The following ADGRV1 variants were observed in gnomAD, a reference collection of about 807,000 sequenced individuals.
ADGRV1 encodes the protein adhesion G protein-coupled receptor V1.
In ADGRV1, 359 loss-of-function variants were observed where a neutral mutation model predicts 596.2. That is an observed-to-expected ratio of 0.60 (90% CI 0.55 to 0.66). The LOEUF (loss-of-function observed/expected upper bound fraction) is 0.66, where lower values mean the gene tolerates loss of function less well. Among genes scored for constraint, ADGRV1 ranks in the 30% least tolerant of loss-of-function variants. The probability of loss-of-function intolerance (pLI) is 0.00; values close to 1 mark genes in which losing one functional copy is unlikely to be tolerated. For synonymous variants in ADGRV1, 2,681 were observed against 2,679.2 expected (o/e 1.00, Z -0.02); for missense variants, 7,274 against 7,575.6 (o/e 0.96, Z 1.48).
intron 21 of ADGRV1, among the ~76,000 whole-genome samples, chr5:90,660,530 C>T (rs1363815579): frequency 8.9e-6 from 1 of 112,072 alleles, no homozygotes; most frequent in Non-Finnish European, 1.9e-5. Context: ...GACAATTTAA[C>T]GTTAAAAAAA....
At chr5:91,140,710 A>C (rs974341114) in intron 87 of ADGRV1, among the ~76,000 whole-genome samples, 3 of 152,088 alleles carry the variant, frequency 2.0e-5, no homozygotes, top group African/African-American at 7.2e-5. Context: ...GAAACTATCC[A>C]AGCAGGGTTA....
intron 85 of ADGRV1, among the ~76,000 whole-genome samples, chr5:91,001,366 C>G (rs1463316476): frequency 6.6e-6 from 1 of 152,164 alleles, no homozygotes; most frequent in Non-Finnish European, 1.5e-5. Flanking sequence ...GCATGAGACA[C>G]TGCACCTGGC....
intron 78 of ADGRV1, among the ~76,000 whole-genome samples, chr5:90,841,495 G>T (rs1045531130): frequency 2.0e-5 from 3 of 152,138 alleles, no homozygotes; most frequent in African/African-American, 7.2e-5. Flanking sequence ...GATAATTTCA[G>T]ACATTCCATT....
chr5:90,598,758 G>A (rs1761033927), intron 1 of ADGRV1, among the ~76,000 whole-genome samples: 1 of 152,192 alleles, frequency 6.6e-6, no homozygotes, highest in Non-Finnish European at 1.5e-5. Flanking sequence ...GTGATGCATG[G>A]CGTCTTGAGT....
chr5:91,102,750 A>C (rs1791501449), intron 87 of ADGRV1, among the ~76,000 whole-genome samples: 1 of 152,192 alleles, frequency 6.6e-6, no homozygotes, highest in African/African-American at 2.4e-5. Flanking sequence ...GTCCCCTCTT[A>C]AGTGTGATGC....
chr5:91,088,374 T>A (rs1247397336), intron 86 of ADGRV1, among the ~76,000 whole-genome samples: 1 of 151,380 alleles, frequency 6.6e-6, no homozygotes, highest in African/African-American at 2.4e-5. Flanking sequence ...TGAAAAAAAA[T>A]TTTTTTTACA....
Position 90,658,207 on chromosome 5 carries a change from G to A in ADGRV1, c.4681G>A (p.Ala1561Thr), listed in dbSNP as rs376316770. 19 of 1,569,202 alleles carry A rather than the reference G, an allele frequency of 1.2e-5. No individual in the cohort carries two copies. In the African/African-American group the frequency reaches 2.2e-4, roughly 18 times the overall value. ...GARISEENTT[A>T]RLTIQKSDNA... ...TCGTATTTCGGAAGAAAATACTACT[G>A]CAAGATTAACAATACAAAAAAGTGA... The change falls in exon 21 of 90, where the codon GCA becomes ACA. Residue 1561 changes from alanine to threonine, a missense_variant. This residue lies in a region of ADGRV1 where 3,643 missense variants were observed against 3,809.2 expected (regional missense o/e 0.96). Coordinates refer to ENST00000405460, the MANE Select transcript of ADGRV1 (RefSeq NM_032119.4).
Position 90,855,784 on chromosome 5 carries a change from G to C in ADGRV1, c.17638G>C (p.Ala5880Pro). ...SQFCKVVEET[A>P]DYVECACSHM... ...GTTTTGCAAAGTGGTTGAGGAAACT[G>C]CAGACTATGTGGAATGTGCCTGTTC... The change falls in exon 82 of 90, where the codon GCA becomes CCA. Residue 5880 changes from alanine (A) to proline (P), a missense_variant. Ala to Pro is a conservative substitution (Grantham distance 27, BLOSUM62 -1). Coordinates refer to ENST00000405460, the MANE Select transcript of ADGRV1 (RefSeq NM_032119.4). The C allele has an allele frequency of 6.3e-7, 1 of 1,599,716 alleles. No individual in the cohort carries two copies. The highest frequency in any genetic ancestry group is 1.7e-5 in the Admixed American group (1 of 57,850).
At chr5:90,818,813 T>C in intron 75 of ADGRV1, among the ~76,000 whole-genome samples, 1 of 151,012 alleles carries the variant, frequency 6.6e-6, no homozygotes, top group African/African-American at 2.4e-5. Context: ...TGGATTCGTT[T>C]TGCCAGTATT....
intron 74 of ADGRV1, among the ~76,000 whole-genome samples, chr5:90,812,085 G>T (rs1256492088): frequency 6.6e-6 from 1 of 151,666 alleles, no homozygotes; most frequent in African/African-American, 2.4e-5. Context: ...CTGCCACCAC[G>T]CCCGGCTAAT....
chr5:90,874,775 G>A (rs1390675914), intron 83 of ADGRV1, among the ~76,000 whole-genome samples: 5 of 151,816 alleles, frequency 3.3e-5, no homozygotes, highest in African/African-American at 7.3e-5. Context: ...GGCGAATGGC[G>A]TGAACCCAGG....
At chr5:91,071,695 G>A (rs944175006) in intron 85 of ADGRV1, among the ~76,000 whole-genome samples, 20 of 151,050 alleles carry the variant, frequency 1.3e-4, no homozygotes, top group African/African-American at 4.6e-4. Context: ...TTTTTTTTGA[G>A]ATGGAGTCTC....
intron 83 of ADGRV1, among the ~76,000 whole-genome samples, chr5:90,916,878 C>T (rs1453901337): frequency 6.6e-6 from 1 of 151,844 alleles, no homozygotes; most frequent in Admixed American, 6.6e-5. Flanking sequence ...GTGATCCGCC[C>T]GCCTCGGCCT....
At chr5:90,900,259 T>C (rs1771717324) in intron 83 of ADGRV1, among the ~76,000 whole-genome samples, 1 of 151,846 alleles carries the variant, frequency 6.6e-6, no homozygotes, top group Non-Finnish European at 1.5e-5. Context: ...TCCATTTAGA[T>C]AGAGATTTAA....
intron 71 of ADGRV1, 64 bp downstream of exon 71, chr5:90,802,946 G>A (rs1404652281): frequency 9.3e-6 from 13 of 1,395,800 alleles, no homozygotes; most frequent in East Asian, 7.6e-5. Context: ...CAGGAAGGAC[G>A]GAGACTCTTA....
intron 85 of ADGRV1, among the ~76,000 whole-genome samples, chr5:91,011,313 T>G (rs1782700899): frequency 6.6e-6 from 1 of 152,012 alleles, no homozygotes; most frequent in African/African-American, 2.4e-5. Context: ...GAAGAAAAAT[T>G]GGATTTGAAT....
At chr5:91,152,136 A>G (rs1241463502) in intron 88 of ADGRV1, among the ~76,000 whole-genome samples, 1 of 152,178 alleles carries the variant, frequency 6.6e-6, no homozygotes. Flanking sequence ...CATTCCTCAG[A>G]GGCATAGAAT....
At chr5:90,871,385 A>G (rs752278792) in intron 83 of ADGRV1, among the ~76,000 whole-genome samples, 1 of 152,162 alleles carries the variant, frequency 6.6e-6, no homozygotes, top group Non-Finnish European at 1.5e-5. Flanking sequence ...TTCCTCAACA[A>G]GCTTTCAAAA....
At chr5:90,763,676 C>T (rs1756763039) in intron 59 of ADGRV1, among the ~76,000 whole-genome samples, 1 of 152,202 alleles carries the variant, frequency 6.6e-6, no homozygotes, top group South Asian at 2.1e-4. Flanking sequence ...CACCCCACTC[C>T]TACCCTGCTG....
Sources: allele counts gnomAD v4.1 joint callset (sites outside exome capture counted in the v4.1 genomes callset), GRCh38; gene constraint gnomAD v4.1.1; regional missense constraint gnomAD v4.1.1; transcripts MANE v1.5; gene names NCBI Gene and HGNC (gene_info 2026-07-23, HGNC 2026-07-21).